F2RL1: variants seen among roughly 807,000 people sequenced by gnomAD.
The protein encoded by F2RL1 is proteinase-activated receptor 2.
In F2RL1, 16 loss-of-function variants were observed where a neutral mutation model predicts 21.7. That is an observed-to-expected ratio of 0.74 (90% CI 0.50 to 1.12). F2RL1 has a LOEUF of 1.12. Ranked by LOEUF, F2RL1 falls within the 50% of genes most tolerant of loss-of-function variation. The pLI is 0.00. For missense variants in F2RL1, 432 were observed against 477.8 expected (o/e 0.90, Z 0.89); for synonymous variants, 181 against 186.7 (o/e 0.97, Z 0.25).
chr5:76,822,986 C>T (rs1750166769), intron 1 of F2RL1, among the ~76,000 whole-genome samples: 1 of 152,204 alleles, frequency 6.6e-6, no homozygotes, highest in Non-Finnish European at 1.5e-5. Context: ...AATCCCAGCA[C>T]TTTGGAAGTC....
At chr5:76,825,803 A>G (rs763463039) in intron 1 of F2RL1, among the ~76,000 whole-genome samples, 1 of 152,180 alleles carries the variant, frequency 6.6e-6, no homozygotes, top group Non-Finnish European at 1.5e-5. Flanking sequence ...AATATCAACA[A>G]TAGTTTTGAT....
chr5:76,822,722 A>G (rs767052049), intron 1 of F2RL1, among the ~76,000 whole-genome samples: 3 of 152,148 alleles, frequency 2.0e-5, no homozygotes, highest in Non-Finnish European at 4.4e-5. Flanking sequence ...AAATGTACTA[A>G]AAGTTTAGCT....
chr5:76,821,590 T>G (rs561381371), intron 1 of F2RL1, among the ~76,000 whole-genome samples: 13 of 149,060 alleles, frequency 8.7e-5, no homozygotes, highest in African/African-American at 3.2e-4. Context: ...TTTTTGGGTT[T>G]TTTTTTTTTT....
intron 1 of F2RL1, among the ~76,000 whole-genome samples, chr5:76,823,253 G>A (rs967007329): frequency 2.7e-5 from 4 of 150,890 alleles, no homozygotes; most frequent in East Asian, 1.9e-4. Context: ...AGTTTTACAC[G>A]CAGATTTTCC....
At chr5:76,832,465 A>C (rs1037016815) in intron 1 of F2RL1, among the ~76,000 whole-genome samples, 1 of 152,082 alleles carries the variant, frequency 6.6e-6, no homozygotes, top group Non-Finnish European at 1.5e-5. Flanking sequence ...GCTGGGTGTG[A>C]TGGTGTGTGC....
chr5:76,832,708 A>T lies in F2RL1; in HGVS notation c.101A>T (p.Lys34Ile), dbSNP rs1486219420. 1 of 1,608,906 alleles carries T rather than the reference A, an allele frequency of 6.2e-7. No individual in the cohort carries two copies. The highest frequency in any genetic ancestry group is 1.1e-5 in the South Asian group (1 of 90,428). ...TGTACAGGAACCAGTAGATCCTCTA[A>T]AGGAAGAAGCCTTATTGGTAAGGTT... ...GTIQGTSRSS[K>I]GRSLIGKVDG... is the part of the protein sequence containing the mutation. The change falls in exon 2 of 2, where the codon AAA (lysine) becomes ATA (isoleucine). Residue 34 changes from lysine to isoleucine, a missense_variant. Physicochemically the swap from Lys to Ile is moderately radical, Grantham distance 102. Coordinates refer to ENST00000296677, the MANE Select transcript of F2RL1 (RefSeq NM_005242.6).
intron 1 of F2RL1, among the ~76,000 whole-genome samples, chr5:76,820,426 G>A (rs1750112042): frequency 6.6e-6 from 1 of 152,178 alleles, no homozygotes; most frequent in Non-Finnish European, 1.5e-5. Flanking sequence ...ATGGAAGAAT[G>A]TGATTCTTTT....
chr5:76,831,984 G>A lies in F2RL1; in HGVS notation c.83-706G>A, dbSNP rs145745162. Among the ~76,000 whole-genome samples, 791 of 150,746 alleles carry A rather than the reference G, an allele frequency of 5.2e-3. 8 individuals carry two copies. Among genetic ancestry groups the A allele is most frequent in the African/African-American group, 0.019 (765 of 41,030 alleles). ...AAGCCAGGAGTTCGAGACCAGCTTA[G>A]TCAACATAGCAAGACCCCATCTCTA... On this transcript the variant is annotated intron_variant, in intron 1 of 1. Transcript: ENST00000296677.
chr5:76,833,872 T>C lies in F2RL1; in HGVS notation c.*71T>C. On this transcript the variant is annotated 3_prime_UTR_variant, in exon 2 of 2. Transcript: ENST00000296677. Reference sequence around the variant, plus strand: ...CTGTTTAATGTTATGAGGACGTGTCTGTTATTTCCTAATCAAAAAGGTCTC... The same window carrying C: ...CTGTTTAATGTTATGAGGACGTGTCCGTTATTTCCTAATCAAAAAGGTCTC... 6.7e-7 allele frequency: 1 copy of C among 1,492,882 alleles called. No homozygotes were observed. Among genetic ancestry groups the C allele is most frequent in the Non-Finnish European group, 9.1e-7 (1 of 1,102,932 alleles). The allele number at this position is 1,492,882 out of a possible 1,614,324, so 92.5% of individuals were successfully genotyped here.
intron 1 of F2RL1, among the ~76,000 whole-genome samples, chr5:76,825,324 CTG>C (rs1328432226): frequency 6.6e-6 from 1 of 152,016 alleles, no homozygotes; most frequent in African/African-American, 2.4e-5. Flanking sequence ...TTTCAATTGA[CTG>C]TATATTGTGG....
intron 1 of F2RL1, among the ~76,000 whole-genome samples, chr5:76,823,328 A>G (rs1205973882): frequency 6.6e-6 from 1 of 150,960 alleles, no homozygotes; most frequent in East Asian, 1.9e-4. Flanking sequence ...CTGGTCTCCA[A>G]TCTCAGCACA....
chr5:76,833,511 C>A lies in F2RL1; in HGVS notation c.904C>A (p.Pro302Thr). The A allele has an allele frequency of 6.2e-7, 1 of 1,613,822 alleles. No individual in the cohort carries two copies. Among genetic ancestry groups the A allele is most frequent in the Non-Finnish European group, 8.5e-7 (1 of 1,179,988 alleles). ...VLAMYLICFT[P>T]SNLLLVVHYF... ...GGCCATGTACCTGATCTGCTTCACT[C>A]CTAGTAACCTTCTGCTTGTGGTGCA... The change falls in exon 2 of 2, where the codon CCT becomes ACT. Residue 302 changes from proline to threonine, a missense_variant. Coordinates refer to ENST00000296677, the MANE Select transcript of F2RL1 (RefSeq NM_005242.6).
intron 1 of F2RL1, among the ~76,000 whole-genome samples, chr5:76,825,226 C>T (rs1037104605): frequency 6.6e-6 from 1 of 151,858 alleles, no homozygotes; most frequent in Non-Finnish European, 1.5e-5. Context: ...AGGATGGTCT[C>T]GATCTCTTGA....
intron 1 of F2RL1, among the ~76,000 whole-genome samples, chr5:76,821,575 T>C (rs1750136633): frequency 7.1e-6 from 1 of 140,054 alleles, no homozygotes; most frequent in Non-Finnish European, 1.5e-5. Context: ...TTTTGTTTTT[T>C]TGGTTTTTTG....
chr5:76,821,512 A>G (rs1352800650), intron 1 of F2RL1, among the ~76,000 whole-genome samples: 1 of 148,426 alleles, frequency 6.7e-6, no homozygotes. Flanking sequence ...CATTCCATTT[A>G]TCTTTTGGAG....
In F2RL1 at chr5:76,834,144, T is replaced by C; in HGVS notation, c.*343T>C. 1 of 172,196 alleles carries C rather than the reference T, an allele frequency of 5.8e-6. No individual in the cohort carries two copies. The highest frequency in any genetic ancestry group is 1.2e-5 in the Non-Finnish European group (1 of 81,156). The allele number at this position is 172,196 out of a possible 1,614,324, so 10.7% of individuals were successfully genotyped here. A position where few individuals can be genotyped will look rare whatever the true frequency, so the allele number is the denominator to read the frequency against. The stretch of plus-strand genomic sequence containing the variant: ...AGCTGAAATTATATATATACACATA[T>C]ATATATTTTACATCTGGGATCATGA... On this transcript the variant is annotated 3_prime_UTR_variant, in exon 2 of 2. Coordinates refer to ENST00000296677, the MANE Select transcript of F2RL1 (RefSeq NM_005242.6).
intron 1 of F2RL1, among the ~76,000 whole-genome samples, chr5:76,822,584 G>C (rs942097331): frequency 2.0e-5 from 3 of 152,146 alleles, no homozygotes; most frequent in Admixed American, 6.6e-5. Flanking sequence ...TGATCCTTTT[G>C]CTTGCTTTGT....
chr5:76,833,153 G>A lies in F2RL1; in HGVS notation c.546G>A (p.Gly182=), dbSNP rs755216458. The A allele has an allele frequency of 2.5e-6, 4 of 1,614,056 alleles. No individual in the cohort carries two copies. Among genetic ancestry groups the A allele is most frequent in the Non-Finnish European group, 3.4e-6 (4 of 1,180,036 alleles). The change falls in exon 2 of 2, where the codon GGG becomes GGA. Residue 182 remains glycine, a synonymous_variant. Coordinates refer to ENST00000296677, the MANE Select transcript of F2RL1 (RefSeq NM_005242.6). The part of the protein sequence containing the change: ...QRYWVIVNPM[G]HSRKKANIAI... ...ATTGGGTCATCGTGAACCCCATGGG[G>A]CACTCCAGGAAGAAGGCAAACATTG...
At chr5:76,819,877 C>T (rs540511737) in intron 1 of F2RL1, among the ~76,000 whole-genome samples, 106 of 152,264 alleles carry the variant, frequency 7.0e-4, no homozygotes, top group Non-Finnish European at 1.3e-3. Flanking sequence ...CCCGCTGCTC[C>T]TGGCACCCAC....
Sources: allele counts gnomAD v4.1 joint callset (sites outside exome capture counted in the v4.1 genomes callset), GRCh38; gene constraint gnomAD v4.1.1; transcripts MANE v1.5; gene names NCBI Gene and HGNC (gene_info 2026-07-23, HGNC 2026-07-21).